Variants in CDK6 observed in about 807,000 individuals in gnomAD.
CDK6 encodes cyclin dependent kinase 6.
CDK6 carries 6 observed loss-of-function variants against 37.1 expected under a neutral mutation model. That is an observed-to-expected ratio of 0.16 (90% confidence interval 0.09 to 0.32). CDK6 has a LOEUF of 0.32. CDK6 is among the 10% of genes least tolerant of loss of function. The pLI is 1.00. For missense variants in CDK6, 224 were observed against 418.9 expected (o/e 0.53, Z 4.06); for synonymous variants, 160 against 161.3 (o/e 0.99, Z 0.06).
rs959002811 is a variant in CDK6 at position 92,609,980 on chromosome 7, A to C, written c.*5160T>G. ...ATAGAGACTATTAATCATCCCAAAA[A>C]ACAAGTGCTAGGAAAGAGTTAAATA... is the stretch of plus-strand genomic sequence containing the variant. On this transcript the variant is annotated 3_prime_UTR_variant, in exon 8 of 8. Transcript: ENST00000424848. 4.4e-6 allele frequency: 1 copy of C among 229,876 alleles called. No individual in the cohort carries two copies. Among genetic ancestry groups the C allele is most frequent in the African/African-American group, 2.2e-5 (1 of 45,182 alleles). The allele number at this position is 229,876 out of a possible 1,614,324, so 14.2% of individuals were successfully genotyped here.
At chr7:92,707,285 CAG>C (rs1228347667) in intron 4 of CDK6, among the ~76,000 whole-genome samples, 1 of 152,122 alleles carries the variant, frequency 6.6e-6, no homozygotes, top group Non-Finnish European at 1.5e-5. Flanking sequence ...ACCCAGGATA[CAG>C]AGAGGCTAAA....
chr7:92,666,575 A>G (rs1276624120), intron 5 of CDK6, among the ~76,000 whole-genome samples: 1 of 152,202 alleles, frequency 6.6e-6, no homozygotes, highest in African/African-American at 2.4e-5. Context: ...ATACACAGCC[A>G]TGACCCTCAT....
At chr7:92,768,177 G>T (rs1365533645) in intron 3 of CDK6, among the ~76,000 whole-genome samples, 7 of 152,148 alleles carry the variant, frequency 4.6e-5, no homozygotes, top group Non-Finnish European at 1.0e-4. Flanking sequence ...GATAGCGGTG[G>T]TGGGAGTTTG....
chr7:92,625,541 AC>A (rs1467737876), intron 5 of CDK6, among the ~76,000 whole-genome samples: 1,568 of 141,364 alleles, frequency 0.011, 29 homozygotes, highest in African/African-American at 0.04. Flanking sequence ...GCAAAAAAAA[AC>A]AAAACAAAAC....
chr7:92,692,492 A>C (rs1477294670), intron 4 of CDK6, among the ~76,000 whole-genome samples: 1 of 152,090 alleles, frequency 6.6e-6, no homozygotes, highest in Admixed American at 6.5e-5. Flanking sequence ...AAGAGTATGA[A>C]AATTATCTTG....
intron 2 of CDK6, among the ~76,000 whole-genome samples, chr7:92,820,454 T>C (rs1281555902): frequency 6.6e-6 from 1 of 152,114 alleles, no homozygotes; most frequent in Non-Finnish European, 1.5e-5. Flanking sequence ...GAAGCCTCTG[T>C]TGCAGTACGG....
At chr7:92,734,115 T>A (rs191101360) in intron 3 of CDK6, among the ~76,000 whole-genome samples, 2 of 152,342 alleles carry the variant, frequency 1.3e-5, no homozygotes, top group Admixed American at 1.3e-4. Context: ...ATTGATAAAT[T>A]GATTTGGGGA....
At chr7:92,648,972 C>T (rs1215641036) in intron 5 of CDK6, among the ~76,000 whole-genome samples, 1 of 151,728 alleles carries the variant, frequency 6.6e-6, no homozygotes, top group East Asian at 1.9e-4. Context: ...AAATATGCTC[C>T]TATTTTAGGG....
chr7:92,650,297 G>C (rs1796543526), intron 5 of CDK6, among the ~76,000 whole-genome samples: 1 of 152,190 alleles, frequency 6.6e-6, no homozygotes, highest in Non-Finnish European at 1.5e-5. Context: ...AGCTCCTACT[G>C]AGTGCTTTTG....
intron 2 of CDK6, among the ~76,000 whole-genome samples, chr7:92,832,449 A>G (rs995209629): frequency 1.1e-4 from 16 of 152,212 alleles, no homozygotes; most frequent in Non-Finnish European, 2.9e-5. Context: ...AGACACAGGG[A>G]TAACAGTTTT....
intron 3 of CDK6, among the ~76,000 whole-genome samples, chr7:92,747,450 A>G (rs1439747781): frequency 1.3e-5 from 2 of 152,178 alleles, no homozygotes; most frequent in East Asian, 3.8e-4. Flanking sequence ...TGCCTCCACA[A>G]TCAAGTCCAC....
intron 4 of CDK6, among the ~76,000 whole-genome samples, chr7:92,701,240 A>G (rs1054092449): frequency 1.8e-4 from 28 of 152,210 alleles, no homozygotes; most frequent in African/African-American, 6.8e-4. Context: ...AAGGCTACAG[A>G]CTCAGAAGTG....
chr7:92,770,573 G>A (rs1231864729), intron 3 of CDK6, among the ~76,000 whole-genome samples: 1 of 151,668 alleles, frequency 6.6e-6, no homozygotes, highest in African/African-American at 2.4e-5. Flanking sequence ...TTTATTTTTC[G>A]AAAACAAATG....
chr7:92,648,686 T>A (rs540409776), intron 5 of CDK6, among the ~76,000 whole-genome samples: 1 of 152,204 alleles, frequency 6.6e-6, no homozygotes, highest in Admixed American at 6.5e-5. Flanking sequence ...ACGTATTGGA[T>A]GACCGAGTGT....
At chr7:92,760,303 C>T (rs993740191) in intron 3 of CDK6, among the ~76,000 whole-genome samples, 1 of 152,112 alleles carries the variant, frequency 6.6e-6, no homozygotes, top group South Asian at 2.1e-4. Context: ...TATCATTTTT[C>T]CTAGTCCTTC....
chr7:92,678,325 G>A (rs1357581094), intron 4 of CDK6, among the ~76,000 whole-genome samples: 2 of 152,136 alleles, frequency 1.3e-5, no homozygotes, highest in African/African-American at 2.4e-5. Context: ...ACAGAGTTTG[G>A]TGATTGGAGC....
rs1019251082 is a variant in CDK6 at position 92,606,818 on chromosome 7, TAA to T, written c.*8320_*8321del. On this transcript the variant is annotated 3_prime_UTR_variant, in exon 8 of 8. Transcript: ENST00000424848. ...AACACATCTCAAAATGATAATCGTA[TAA>T]AACTTTCTAGTTCTAATTTGCACTC... is the stretch of plus-strand genomic sequence containing the variant. 11 of 233,064 alleles carry T rather than the reference TAA, an allele frequency of 4.7e-5. No individual in the cohort carries two copies. Among genetic ancestry groups the T allele is most frequent in the Admixed American group, 1.1e-4 (2 of 17,798 alleles). The allele number at this position is 233,064 out of a possible 1,614,324, so 14.4% of individuals were successfully genotyped here. A position where few individuals can be genotyped will look rare whatever the true frequency, so the allele number is the denominator to read the frequency against.
At chr7:92,773,229 T>C (rs1360575969) in intron 3 of CDK6, among the ~76,000 whole-genome samples, 1 of 151,728 alleles carries the variant, frequency 6.6e-6, no homozygotes, top group Non-Finnish European at 1.5e-5. Context: ...GATAAAGAGG[T>C]AGAGATATGC....
chr7:92,823,045 TTTTCTATTTGCCTA>T (rs1436037270), intron 2 of CDK6, among the ~76,000 whole-genome samples: 1 of 151,826 alleles, frequency 6.6e-6, no homozygotes, highest in African/African-American at 2.4e-5. Flanking sequence ...CTCCAGACCA[TTTTCTATTTGCCTA>T]ATGATGGATT....
Sources: gnomAD v4.1 joint callset for allele counts (sites outside exome capture counted in the v4.1 genomes callset) on GRCh38, gnomAD v4.1.1 for gene constraint, MANE v1.5 for transcripts, NCBI Gene and HGNC (gene_info 2026-07-23, HGNC 2026-07-21) for gene names.